LHCGR: variants seen among roughly 807,000 people sequenced by gnomAD.
The protein encoded by LHCGR is luteinizing hormone/choriogonadotropin receptor.
In LHCGR, 55 loss-of-function variants were observed where a neutral mutation model predicts 60.7. The ratio of observed to expected loss-of-function variants is 0.91; its 90% confidence interval spans 0.73 to 1.13. The LOEUF (loss-of-function observed/expected upper bound fraction) is 1.13, where lower values mean the gene tolerates loss of function less well. Among genes scored for constraint, LHCGR ranks in the 50% most tolerant of loss-of-function variants. The pLI is 0.00. For missense variants in LHCGR, 862 were observed against 836.0 expected (o/e 1.03, Z -0.38); for synonymous variants, 337 against 316.5 (o/e 1.06, Z -0.69).
chr2:48,752,734 T>C (rs1457041097), intron 1 of LHCGR, among the ~76,000 whole-genome samples: 2 of 152,030 alleles, frequency 1.3e-5, no homozygotes, highest in Admixed American at 1.3e-4. Context: ...TCTTATTCTT[T>C]CTAAGGTTAA....
intron 7 of LHCGR, among the ~76,000 whole-genome samples, chr2:48,712,610 G>A (rs1313522481): frequency 6.6e-6 from 1 of 151,962 alleles, no homozygotes; most frequent in Non-Finnish European, 1.5e-5. Context: ...ACAATTTCTT[G>A]AACACTTAGT....
intron 2 of LHCGR, among the ~76,000 whole-genome samples, chr2:48,730,174 T>A (rs1241403428): frequency 6.6e-6 from 1 of 152,212 alleles, no homozygotes; most frequent in African/African-American, 2.4e-5. Context: ...GAGCCTAAGG[T>A]AGCTAATGTC....
At chr2:48,710,358 T>C (rs985384338) in intron 7 of LHCGR, among the ~76,000 whole-genome samples, 1 of 152,242 alleles carries the variant, frequency 6.6e-6, no homozygotes, top group Non-Finnish European at 1.5e-5. Context: ...TGTTCAGTTA[T>C]AGTTATAAAT....
intron 6 of LHCGR, among the ~76,000 whole-genome samples, chr2:48,722,245 G>T (rs1260457166): frequency 6.6e-6 from 1 of 152,208 alleles, no homozygotes; most frequent in African/African-American, 2.4e-5. Flanking sequence ...CCAGAGGGAA[G>T]GAAGTCTGGC....
intron 8 of LHCGR, 75 bp downstream of exon 8, chr2:48,708,873 G>T: frequency 1.8e-6 from 2 of 1,092,934 alleles, no homozygotes; most frequent in Non-Finnish European, 2.8e-6. Context: ...GCTTGGGGAT[G>T]ATGTGGAGGG....
intron 1 of LHCGR, among the ~76,000 whole-genome samples, chr2:48,731,779 G>A (rs1280492124): frequency 6.6e-6 from 1 of 152,200 alleles, no homozygotes; most frequent in East Asian, 1.9e-4. Context: ...CAAAAACTAT[G>A]TTGAGTAGAG....
chr2:48,732,772 C>T (rs1285190572), intron 1 of LHCGR: 2 of 500,532 alleles, frequency 4.0e-6, no homozygotes, highest in African/African-American at 3.9e-5. Context: ...AGCCGTTCCT[C>T]CCTAGGTGCT....
At chr2:48,751,328 T>G (rs1035010732) in intron 1 of LHCGR, among the ~76,000 whole-genome samples, 1 of 152,224 alleles carries the variant, frequency 6.6e-6, no homozygotes, top group Non-Finnish European at 1.5e-5. Context: ...TAAGAAATAT[T>G]TCCCCCCCAG....
chr2:48,741,530 C>G (rs2103686874), intron 1 of LHCGR, among the ~76,000 whole-genome samples: 1 of 151,852 alleles, frequency 6.6e-6, no homozygotes, highest in South Asian at 2.1e-4. Context: ...GAGTGGGGGC[C>G]AATATTCCAC....
intron 8 of LHCGR, among the ~76,000 whole-genome samples, chr2:48,705,113 G>T (rs1174514341): frequency 6.6e-6 from 1 of 152,172 alleles, no homozygotes; most frequent in Non-Finnish European, 1.5e-5. Context: ...TGGTTTCAAA[G>T]AACATTTTTA....
rs541951809 is a variant in LHCGR at position 48,728,083 on chromosome 2, A to G, written c.308+1070T>C. ...AGTTTGTAAACTTTCTTAAAACATT[A>G]TGAGTTTTTTTTTTTTTTTAAACTC... On this transcript the variant is annotated intron_variant, in intron 3 of 10. Transcript: ENST00000294954. 6.6e-3 allele frequency among the ~76,000 whole-genome samples: 636 copies of G among 97,096 alleles called. 3 individuals are homozygous for G. Among genetic ancestry groups the G allele is most frequent in the African/African-American group, 0.029 (608 of 20,992 alleles). The allele number at this position is 97,096 out of a possible 152,430, so 63.7% of individuals were successfully genotyped here. A position where few individuals can be genotyped will look rare whatever the true frequency, so the allele number is the denominator to read the frequency against.
intron 9 of LHCGR, among the ~76,000 whole-genome samples, chr2:48,697,196 A>C (rs565564576): frequency 6.6e-6 from 1 of 152,018 alleles, no homozygotes; most frequent in African/African-American, 2.4e-5. Flanking sequence ...GAGCTATTCT[A>C]TCTTCTTTGC....
intron 9 of LHCGR, among the ~76,000 whole-genome samples, chr2:48,697,116 T>C (rs1025717561): frequency 3.9e-5 from 6 of 152,240 alleles, no homozygotes; most frequent in Non-Finnish European, 7.3e-5. Flanking sequence ...CTCATCTTCT[T>C]CCATGTGTCC....
At chr2:48,710,295 T>A (rs1161606652) in intron 7 of LHCGR, among the ~76,000 whole-genome samples, 2 of 152,156 alleles carry the variant, frequency 1.3e-5, no homozygotes, top group Non-Finnish European at 2.9e-5. Context: ...CAAAAGAAAT[T>A]TTTCTTCCTA....
chr2:48,692,356 A>G (rs1392687047), intron 10 of LHCGR, among the ~76,000 whole-genome samples: 1 of 152,218 alleles, frequency 6.6e-6, no homozygotes, highest in Non-Finnish European at 1.5e-5. Flanking sequence ...CAAGAGGTCA[A>G]ACATGTTTTC....
At chr2:48,698,543 A>G in intron 9 of LHCGR, 72 bp downstream of exon 9, 1 of 1,231,280 alleles carries the variant, frequency 8.1e-7, no homozygotes. Context: ...GGAGCTGTCT[A>G]CTCATTGACT....
At chr2:48,718,402 G>C (rs1396640944) in intron 6 of LHCGR, among the ~76,000 whole-genome samples, 1 of 152,126 alleles carries the variant, frequency 6.6e-6, no homozygotes, top group Non-Finnish European at 1.5e-5. Flanking sequence ...GGCTCTAAAA[G>C]CACTTCTGGG....
intron 9 of LHCGR, among the ~76,000 whole-genome samples, chr2:48,698,371 G>C (rs1393448367): frequency 1.3e-5 from 2 of 152,164 alleles, no homozygotes; most frequent in Non-Finnish European, 2.9e-5. Flanking sequence ...CTCTAATTCA[G>C]TTTACCCAGA....
intron 1 of LHCGR, among the ~76,000 whole-genome samples, chr2:48,751,683 G>T (rs1005497526): frequency 2.6e-5 from 4 of 152,176 alleles, no homozygotes; most frequent in East Asian, 1.9e-4. Context: ...CTCAAGAAAG[G>T]TGTCAGGAAA....
Sources: allele counts gnomAD v4.1 joint callset (sites outside exome capture counted in the v4.1 genomes callset), GRCh38; gene constraint gnomAD v4.1.1; transcripts MANE v1.5; gene names NCBI Gene and HGNC (gene_info 2026-07-23, HGNC 2026-07-21).